Variants in ZFHX3 observed in about 807,000 individuals in gnomAD.
The protein encoded by ZFHX3 is zinc finger homeobox protein 3.
In ZFHX3, 42 loss-of-function variants were observed where a neutral mutation model predicts 279.1. The observed-to-expected ratio is 0.15, with a 90% CI of 0.12 to 0.19. ZFHX3 has a LOEUF of 0.19. Ranked by LOEUF, ZFHX3 falls within the 10% of genes least tolerant of loss-of-function variation. The pLI is 1.00. For synonymous variants in ZFHX3, 2,293 were observed against 1,957.8 expected, an observed-to-expected ratio of 1.17 and a Z score of -4.52; for missense variants, 4,981 against 4,754.0, an observed-to-expected ratio of 1.05 and a Z score of -1.40.
chr16:73,085,921 CA>C (rs893648485), intron 8 of ZFHX3, among the ~76,000 whole-genome samples: 1 of 123,848 alleles, frequency 8.1e-6, no homozygotes, highest in African/African-American at 3.1e-5. Flanking sequence ...AAAATATTTG[CA>C]AACTATGCAT....
At chr16:73,594,894 T>C (rs1217524125) in intron 2 of ZFHX3, among the ~76,000 whole-genome samples, 3 of 152,194 alleles carry the variant, frequency 2.0e-5, no homozygotes, top group Non-Finnish European at 4.4e-5. Flanking sequence ...ATGGTCTGAG[T>C]ACAGGGTCCA....
In ZFHX3 at chr16:73,700,733, C is replaced by T. The variant is rs189764092; in HGVS notation, c.-1607-20493G>A. On this transcript the variant is annotated intron_variant, in intron 1 of 17. Coordinates refer to the ZFHX3 transcript ENST00000641206. ...AGAAATACCACTAAGCTTATTAAAG[C>T]AATCAAGGTTCTAGGGAAATAATTA... 3.5e-3 allele frequency among the ~76,000 whole-genome samples: 537 copies of T among 152,250 alleles called. 5 individuals carry two copies. Among genetic ancestry groups the T allele is most frequent in the Non-Finnish European group, 5.8e-3 (392 of 68,000 alleles).
At chr16:73,603,576 T>C (rs1294294199) in intron 2 of ZFHX3, among the ~76,000 whole-genome samples, 1 of 152,020 alleles carries the variant, frequency 6.6e-6, no homozygotes. Context: ...CTAAGAACCT[T>C]GAAACCAGTA....
intron 5 of ZFHX3, among the ~76,000 whole-genome samples, chr16:73,157,047 G>C (rs1489090044): frequency 6.6e-6 from 1 of 151,810 alleles, no homozygotes; most frequent in Non-Finnish European, 1.5e-5. Flanking sequence ...GTAGAGACGA[G>C]TTCTCACTAT....
chr16:73,714,959 C>A (rs561336522), intron 1 of ZFHX3, among the ~76,000 whole-genome samples: 1 of 152,146 alleles, frequency 6.6e-6, no homozygotes, highest in Non-Finnish European at 1.5e-5. Context: ...GGATAAAGTC[C>A]GGGTCTCTCT....
At chr16:72,914,777 G>C (rs966209075) in intron 3 of ZFHX3, among the ~76,000 whole-genome samples, 7 of 152,112 alleles carry the variant, frequency 4.6e-5, no homozygotes, top group African/African-American at 7.2e-5. Context: ...GGTCACTTGA[G>C]GTCAGGACTT....
At position 73,882,332 on chromosome 16, in the gene ZFHX3, G is replaced by A. The variant is rs74030922; in HGVS notation, c.-1608+9319C>T. Reference sequence around the variant, plus strand: ...AGTGATGTCATCTATACAAAATGCAGCATTTTTGCTGTCAAAAAAGCTTTA... The same window carrying A: ...AGTGATGTCATCTATACAAAATGCAACATTTTTGCTGTCAAAAAAGCTTTA... On this transcript the variant is annotated intron_variant, in intron 1 of 17. Coordinates refer to the ZFHX3 transcript ENST00000641206. 7.4e-3 allele frequency among the ~76,000 whole-genome samples: 1,126 copies of A among 152,092 alleles called. 16 individuals are homozygous for A. Among genetic ancestry groups the A allele is most frequent in the African/African-American group, 0.025 (1,045 of 41,488 alleles).
chr16:73,682,862 GAAAGAA>G (rs1433335585), intron 1 of ZFHX3, among the ~76,000 whole-genome samples: 4 of 27,314 alleles, frequency 1.5e-4, no homozygotes, highest in Admixed American at 5.2e-4. Context: ...GAGAAAGAAA[GAAAGAA>G]AGAAAGAAAG....
At chr16:73,138,146 T>C (rs891026192) in intron 6 of ZFHX3, among the ~76,000 whole-genome samples, 2 of 152,226 alleles carry the variant, frequency 1.3e-5, no homozygotes, top group Non-Finnish European at 2.9e-5. Context: ...TCTTAGTTCA[T>C]CTTCCTCTCC....
chr16:73,794,070 C>T (rs561657014), intron 1 of ZFHX3: 1 of 152,326 alleles, frequency 6.6e-6, no homozygotes, highest in East Asian at 1.9e-4. Flanking sequence ...TGATTTTGTC[C>T]TCTGACAGCA....
At chr16:73,181,542 T>C (rs1366578600) in intron 5 of ZFHX3, among the ~76,000 whole-genome samples, 1 of 152,192 alleles carries the variant, frequency 6.6e-6, no homozygotes, top group African/African-American at 2.4e-5. Flanking sequence ...CTGTTTAATG[T>C]CACCACTGGT....
intron 5 of ZFHX3, among the ~76,000 whole-genome samples, chr16:73,250,226 A>G (rs563507695): frequency 2.0e-5 from 3 of 152,378 alleles, no homozygotes; most frequent in African/African-American, 7.2e-5. Flanking sequence ...TACATAAAAT[A>G]GCCACATATC....
chr16:73,161,199 A>C (rs570828281), intron 5 of ZFHX3, among the ~76,000 whole-genome samples: 8 of 151,554 alleles, frequency 5.3e-5, no homozygotes, highest in Non-Finnish European at 4.4e-5. Flanking sequence ...TTGGTCTTGA[A>C]CTCCTGGGCT....
intron 5 of ZFHX3, among the ~76,000 whole-genome samples, chr16:72,815,941 G>A (rs539775484): frequency 6.6e-6 from 1 of 152,312 alleles, no homozygotes; most frequent in South Asian, 2.1e-4. Flanking sequence ...GTAAACAATG[G>A]CATGGCCATT....
chr16:73,230,016 A>C (rs2144929564), intron 5 of ZFHX3, among the ~76,000 whole-genome samples: 1 of 152,360 alleles, frequency 6.6e-6, no homozygotes, highest in Non-Finnish European at 1.5e-5. Flanking sequence ...ATAGATGGAT[A>C]ATACAGATGA....
At chr16:73,271,930 A>C (rs2014157104) in intron 4 of ZFHX3, among the ~76,000 whole-genome samples, 1 of 152,144 alleles carries the variant, frequency 6.6e-6, no homozygotes, top group African/African-American at 2.4e-5. Flanking sequence ...CCTTCTTTCC[A>C]CAGTGGTTGT....
intron 1 of ZFHX3, among the ~76,000 whole-genome samples, chr16:73,057,617 G>A (rs1028192934): frequency 1.3e-5 from 2 of 151,720 alleles, no homozygotes; most frequent in African/African-American, 2.4e-5. Flanking sequence ...CTCAGCTGGC[G>A]GAAGAAGGCC....
At chr16:73,633,019 C>A (rs974127002) in intron 2 of ZFHX3, among the ~76,000 whole-genome samples, 4 of 152,174 alleles carry the variant, frequency 2.6e-5, no homozygotes, top group African/African-American at 9.6e-5. Context: ...GAGGAGCTTG[C>A]AGTGAGCTGG....
chr16:73,584,164 G>T (rs904800655), intron 2 of ZFHX3, among the ~76,000 whole-genome samples: 1 of 151,834 alleles, frequency 6.6e-6, no homozygotes, highest in Non-Finnish European at 1.5e-5. Flanking sequence ...GGTTAAGTAA[G>T]ATTTAGAGGA....
Sources: allele counts gnomAD v4.1 joint callset (sites outside exome capture counted in the v4.1 genomes callset), GRCh38; gene constraint gnomAD v4.1.1; transcripts MANE v1.5; gene names NCBI Gene and HGNC (gene_info 2026-07-23, HGNC 2026-07-21).